Variants in ZNF713 observed in about 807,000 individuals in gnomAD.
ZNF713 encodes zinc finger protein 713.
ZNF713 carries 21 observed loss-of-function variants against 28.7 expected under a neutral mutation model. The observed-to-expected ratio is 0.73, with a 90% CI of 0.52 to 1.05. ZNF713 has a LOEUF of 1.05. ZNF713 is among the 50% of genes least tolerant of loss of function. The probability of loss-of-function intolerance (pLI) is 0.00; values close to 1 mark genes in which losing one functional copy is unlikely to be tolerated. For missense variants in ZNF713, 458 were observed against 532.4 expected, an observed-to-expected ratio of 0.86 and a Z score of 1.37; for synonymous variants, 167 against 178.0, an observed-to-expected ratio of 0.94 and a Z score of 0.49.
intron 4 of ZNF713, among the ~76,000 whole-genome samples, chr7:55,917,802 CAA>C (rs1048937909): frequency 3.3e-5 from 5 of 151,810 alleles, no homozygotes; most frequent in African/African-American, 7.3e-5. Context: ...GTACTGCAAA[CAA>C]GAGGAAATTT....
At position 55,918,776 on chromosome 7, in the gene ZNF713, C is replaced by T. The variant is rs572247069; in HGVS notation, c.88-4386C>T. ...CACTTTGGGAGGCCAAGGCCTCACT[C>T]GAGGTCAGGAGTTTGAGACTAGCCT... On this transcript the variant is annotated intron_variant, in intron 4 of 6. Transcript: ENST00000429591. Among the ~76,000 whole-genome samples, 14 of 152,152 alleles carry T rather than the reference C, an allele frequency of 9.2e-5. 1 individual carries two copies. The highest frequency in any genetic ancestry group is 8.3e-4 in the South Asian group (4 of 4,814).
chr7:55,916,708 T>C (rs1785887525), intron 4 of ZNF713, among the ~76,000 whole-genome samples: 1 of 152,248 alleles, frequency 6.6e-6, no homozygotes, highest in Non-Finnish European at 1.5e-5. Context: ...CAATAATTGA[T>C]GTTGGGATTT....
At chr7:55,912,851 ATACTC>A (rs1785810724) in intron 4 of ZNF713, 128 bp downstream of exon 4, 1 of 697,502 alleles carries the variant, frequency 1.4e-6, no homozygotes, top group African/African-American at 1.8e-5. Flanking sequence ...GACAGATGAT[ATACTC>A]TCCACAGCAT....
At chr7:55,892,749 A>G (rs779817354) in intron 1 of ZNF713, among the ~76,000 whole-genome samples, 2 of 150,350 alleles carry the variant, frequency 1.3e-5, no homozygotes, top group South Asian at 4.3e-4. Context: ...GCGGAAGCCT[A>G]TAATCCCAGC....
intron 4 of ZNF713, among the ~76,000 whole-genome samples, chr7:55,922,614 C>A (rs1452399374): frequency 1.3e-5 from 2 of 151,980 alleles, no homozygotes; most frequent in African/African-American, 4.8e-5. Flanking sequence ...CAGCAGCCAT[C>A]AGCATCAAGG....
At chr7:55,923,136 G>A (rs762075061) in intron 4 of ZNF713, 26 bp from the exon 5 acceptor site, 22 of 1,597,594 alleles carry the variant, frequency 1.4e-5, no homozygotes, top group Non-Finnish European at 1.9e-5. Flanking sequence ...GTTTTTGCCT[G>A]AGCAGGGATG....
intron 1 of ZNF713, among the ~76,000 whole-genome samples, chr7:55,888,472 G>A (rs1264420856): frequency 6.6e-6 from 1 of 152,104 alleles, no homozygotes; most frequent in Non-Finnish European, 1.5e-5. Context: ...AGCCTCAAAC[G>A]CCTGGGCTCA....
At position 55,927,503 on chromosome 7, in the gene ZNF713, A is replaced by G. The variant is rs1363724163; in HGVS notation, c.307+3804A>G. Among the ~76,000 whole-genome samples the G allele has an allele frequency of 2.0e-5, 3 of 152,110 alleles. No individual in the cohort carries two copies. The East Asian group carries it at 5.8e-4, about 29-fold the overall frequency. On this transcript the variant is annotated intron_variant, in intron 6 of 6. Transcript: ENST00000429591. ...GCACCACTGCACTCCAGCCTGGGCA[A>G]TAGAGCGAGACCTTGTCTGAAAAAA...
At chr7:55,905,588 G>T (rs1275341948) in intron 1 of ZNF713, among the ~76,000 whole-genome samples, 4 of 151,904 alleles carry the variant, frequency 2.6e-5, no homozygotes, top group African/African-American at 9.7e-5. Flanking sequence ...AAGAAAAATG[G>T]ATCAGTCTGA....
chr7:55,911,634 T>C lies in ZNF713; in HGVS notation c.-437T>C, dbSNP rs1785785388. The C allele has an allele frequency of 6.6e-6, 1 of 152,158 alleles. No homozygotes were observed. Among genetic ancestry groups the C allele is most frequent in the South Asian group, 2.1e-4 (1 of 4,824 alleles). 9.4% of individuals were successfully genotyped at this position (152,158 alleles called of 1,614,324 possible). ...ATTACAGGTCTTCAACCTAAAATTC[T>C]ATCTTACAAGATCCTTGCCAGGATG... On this transcript the variant is annotated 5_prime_UTR_variant, in exon 3 of 7. Transcript: ENST00000429591.
At chr7:55,914,626 G>T (rs75216911) in intron 4 of ZNF713, among the ~76,000 whole-genome samples, 5,428 of 152,282 alleles carry the variant, frequency 0.036, 333 homozygotes, top group African/African-American at 0.12. Flanking sequence ...TGAGACTGTA[G>T]GGATGAGGGA....
chr7:55,899,438 G>GTA (rs1785532752), intron 1 of ZNF713, among the ~76,000 whole-genome samples: 1 of 143,874 alleles, frequency 7.0e-6, no homozygotes, highest in African/African-American at 2.5e-5. Flanking sequence ...GCCGAGGGGG[G>GTA]GGGGGGGGTT....
chr7:55,897,288 T>G (rs932986223), intron 1 of ZNF713, among the ~76,000 whole-genome samples: 1 of 151,656 alleles, frequency 6.6e-6, no homozygotes, highest in African/African-American at 2.4e-5. Flanking sequence ...TCTCACTCTT[T>G]CACCTAGGGT....
In ZNF713 at chr7:55,940,077, C is replaced by A; in HGVS notation, c.*71C>A. The A allele has an allele frequency of 6.7e-7, 1 of 1,491,406 alleles. No homozygotes were observed. Among genetic ancestry groups the A allele is most frequent in the South Asian group, 1.4e-5 (1 of 70,938 alleles). The allele number at this position is 1,491,406 out of a possible 1,614,324, so 92.4% of individuals were successfully genotyped here. ...TTTGGTCAGACCTTTTTATCCCATT[C>A]AATATCAAATTATTCATAGTGGAGA... On this transcript the variant is annotated 3_prime_UTR_variant, in exon 7 of 7. Transcript: ENST00000429591.
In ZNF713 at chr7:55,929,068, G is replaced by A. The variant is rs973746071; in HGVS notation, c.307+5369G>A. Among the ~76,000 whole-genome samples the A allele has an allele frequency of 3.5e-4, 53 of 152,004 alleles. 1 individual carries two copies. Among genetic ancestry groups the A allele is most frequent in the African/African-American group, 1.2e-3 (50 of 41,452 alleles). ...CAGGAGGATCAATTGAGCCCTGGATGTCGAGGCTGCAGTGAGCTATGATTG... is the reference window on the plus strand; with the variant it reads ...CAGGAGGATCAATTGAGCCCTGGATATCGAGGCTGCAGTGAGCTATGATTG... On this transcript the variant is annotated intron_variant, in intron 6 of 6. Transcript: ENST00000429591.
intron 1 of ZNF713, among the ~76,000 whole-genome samples, chr7:55,902,256 C>G (rs1482439397): frequency 6.6e-6 from 1 of 152,090 alleles, no homozygotes. Context: ...TAGGATTTTA[C>G]TCTTTTGCTA....
At chr7:55,890,957 C>T (rs1015079948) in intron 1 of ZNF713, among the ~76,000 whole-genome samples, 2 of 146,488 alleles carry the variant, frequency 1.4e-5, no homozygotes, top group Admixed American at 7.0e-5. Context: ...GATTGTGCCA[C>T]GGCACTCTAG....
At chr7:55,923,503 A>C (rs1308620100) in intron 5 of ZNF713, 104 bp from the exon 6 acceptor site, 1 of 1,139,532 alleles carries the variant, frequency 8.8e-7, no homozygotes, top group Non-Finnish European at 1.3e-6. Flanking sequence ...GCTGCCTCTG[A>C]AGTCTCCCCT....
Position 55,918,551 on chromosome 7 carries a change from C to T in ZNF713, c.88-4611C>T, listed in dbSNP as rs188611741. ...TGAGCACTGGGGATAAGATAGAAAA[C>T]GAGTGAAATAATAAAGGGCCTCAAG... On this transcript the variant is annotated intron_variant, in intron 4 of 6. Coordinates refer to ENST00000429591, the MANE Select transcript of ZNF713 (RefSeq NM_182633.3). 4.6e-4 allele frequency among the ~76,000 whole-genome samples: 70 copies of T among 152,102 alleles called. 2 individuals are homozygous for T. The East Asian group carries it at 0.012, about 27-fold the overall frequency.
Sources: gnomAD v4.1 joint callset for allele counts (sites outside exome capture counted in the v4.1 genomes callset) on GRCh38, gnomAD v4.1.1 for gene constraint, MANE v1.5 for transcripts, NCBI Gene and HGNC (gene_info 2026-07-23, HGNC 2026-07-21) for gene names.